CCDC172: variants seen among roughly 807,000 people sequenced by gnomAD.
The protein encoded by CCDC172 is coiled-coil domain containing 172.
CCDC172 carries 30 observed loss-of-function variants against 38.0 expected under a neutral mutation model. The observed-to-expected ratio is 0.79, with a 90% CI of 0.59 to 1.07. The LOEUF is 1.07. Ranked by LOEUF, CCDC172 falls within the 50% of genes least tolerant of loss-of-function variation. CCDC172 has a pLI of 0.00. For synonymous variants in CCDC172, 78 were observed against 88.3 expected (o/e 0.88, Z 0.66); for missense variants, 297 against 290.1 (o/e 1.02, Z -0.17).
chr10:116,365,910 A>G (rs776951404), intron 7 of CCDC172, among the ~76,000 whole-genome samples: 23 of 152,166 alleles, frequency 1.5e-4, no homozygotes, highest in Non-Finnish European at 3.2e-4. Flanking sequence ...ATCATCTGCT[A>G]TACCCTATAG....
chr10:116,339,799 C>T (rs758924560), intron 3 of CCDC172, among the ~76,000 whole-genome samples: 17 of 151,928 alleles, frequency 1.1e-4, no homozygotes, highest in Admixed American at 5.9e-4. Context: ...CTGGACTAGA[C>T]TATTTCTAAG....
At chr10:116,357,703 A>G (rs1845016162) in intron 6 of CCDC172, 133 bp from the exon 7 acceptor site, 2 of 680,672 alleles carry the variant, frequency 2.9e-6, no homozygotes. Flanking sequence ...ATATTAAAGT[A>G]GAAAATAAAA....
chr10:116,332,535 A>C (rs57990663), intron 3 of CCDC172, among the ~76,000 whole-genome samples: 14,203 of 152,128 alleles, frequency 0.093, 912 homozygotes, highest in East Asian at 0.22. Flanking sequence ...GTCTGTACAG[A>C]ATTATTGAGT....
intron 5 of CCDC172, among the ~76,000 whole-genome samples, chr10:116,351,247 C>T (rs1645175448): frequency 6.6e-6 from 1 of 151,826 alleles, no homozygotes; most frequent in African/African-American, 2.4e-5. Flanking sequence ...GTTATGGTAT[C>T]CTGGATTCCC....
chr10:116,367,182 A>G (rs958026313), intron 7 of CCDC172, among the ~76,000 whole-genome samples: 14 of 152,224 alleles, frequency 9.2e-5, no homozygotes, highest in South Asian at 8.3e-4. Context: ...ATCATTTTTT[A>G]TAGTTAGCAT....
At chr10:116,329,950 T>TA (rs1364392732) in intron 3 of CCDC172, among the ~76,000 whole-genome samples, 4 of 152,222 alleles carry the variant, frequency 2.6e-5, no homozygotes, top group Non-Finnish European at 5.9e-5. Context: ...GTGGTACATC[T>TA]AAAGTACTTT....
intron 3 of CCDC172, among the ~76,000 whole-genome samples, chr10:116,338,176 T>C (rs1454115246): frequency 1.3e-5 from 2 of 152,170 alleles, no homozygotes; most frequent in African/African-American, 4.8e-5. Flanking sequence ...CAGTATATTA[T>C]AGGCCTCTAT....
At chr10:116,376,094 G>C (rs1193194311) in intron 7 of CCDC172, among the ~76,000 whole-genome samples, 1 of 152,160 alleles carries the variant, frequency 6.6e-6, no homozygotes, top group Non-Finnish European at 1.5e-5. Context: ...TTGTAGCACT[G>C]TTCACAATAG....
chr10:116,337,908 G>A (rs1294786114), intron 3 of CCDC172, among the ~76,000 whole-genome samples: 1 of 151,824 alleles, frequency 6.6e-6, no homozygotes, highest in Non-Finnish European at 1.5e-5. Context: ...TCAAATGCAG[G>A]AACATAAAAA....
chr10:116,359,048 C>A (rs1324454955), intron 7 of CCDC172, among the ~76,000 whole-genome samples: 2 of 152,166 alleles, frequency 1.3e-5, no homozygotes, highest in Non-Finnish European at 2.9e-5. Flanking sequence ...TTAGTCCATT[C>A]ATTGCATTTT....
At chr10:116,325,126 G>A (rs1163006005) in intron 2 of CCDC172, 36 bp downstream of exon 2, 1 of 1,599,730 alleles carries the variant, frequency 6.3e-7, no homozygotes, top group Non-Finnish European at 8.6e-7. Flanking sequence ...GGGGCCTTTT[G>A]TCTTCTGATG....
At chr10:116,332,623 A>G (rs1385051542) in intron 3 of CCDC172, among the ~76,000 whole-genome samples, 1 of 152,120 alleles carries the variant, frequency 6.6e-6, no homozygotes, top group Non-Finnish European at 1.5e-5. Flanking sequence ...AGAAGTATTG[A>G]AGTCAACCTG....
At chr10:116,326,813 T>G (rs1844599051) in intron 3 of CCDC172, among the ~76,000 whole-genome samples, 1 of 152,186 alleles carries the variant, frequency 6.6e-6, no homozygotes. Context: ...ACTAATAGTT[T>G]GATAGATAAT....
intron 5 of CCDC172, among the ~76,000 whole-genome samples, chr10:116,347,705 C>T (rs933694797): frequency 6.6e-6 from 1 of 152,054 alleles, no homozygotes; most frequent in African/African-American, 2.4e-5. Context: ...TATTATATAA[C>T]AGTGTTCTAA....
chr10:116,350,746 C>T lies in CCDC172; in HGVS notation c.449-6634C>T, dbSNP rs1161643708. ...ATGTACATATGAGGAAGACAATTCA[C>T]ATGTTAAAAGATGTAAATTAATTTT... On this transcript the variant is annotated intron_variant, in intron 5 of 8. Transcript: ENST00000333254. Among the ~76,000 whole-genome samples, 6 of 152,110 alleles carry T rather than the reference C, an allele frequency of 3.9e-5. No individual in the cohort carries two copies. The East Asian group carries it at 1.2e-3, about 29-fold the overall frequency.
At chr10:116,378,272 C>T (rs186444600) in intron 7 of CCDC172, 151 bp from the exon 8 acceptor site, 1 of 777,950 alleles carries the variant, frequency 1.3e-6, no homozygotes, top group East Asian at 3.4e-5. Flanking sequence ...TTTATATAGT[C>T]TTTATGGAAT....
chr10:116,347,221 G>A (rs1257999415), intron 5 of CCDC172, among the ~76,000 whole-genome samples: 1 of 152,174 alleles, frequency 6.6e-6, no homozygotes, highest in Non-Finnish European at 1.5e-5. Flanking sequence ...CTTGAGTGAA[G>A]AGTCTAAGAC....
chr10:116,332,723 AT>A (rs1844679819), intron 3 of CCDC172, among the ~76,000 whole-genome samples: 1 of 151,804 alleles, frequency 6.6e-6, no homozygotes, highest in Non-Finnish European at 1.5e-5. Context: ...ATAATTCCAA[AT>A]TTGGTACAGA....
intron 5 of CCDC172, among the ~76,000 whole-genome samples, chr10:116,355,140 C>T (rs1844979345): frequency 6.6e-6 from 1 of 152,106 alleles, no homozygotes; most frequent in Non-Finnish European, 1.5e-5. Context: ...ATGTCGTGGG[C>T]CTATGCATTC....
Sources: gnomAD v4.1 joint callset for allele counts (sites outside exome capture counted in the v4.1 genomes callset) on GRCh38, gnomAD v4.1.1 for gene constraint, MANE v1.5 for transcripts, NCBI Gene and HGNC (gene_info 2026-07-23, HGNC 2026-07-21) for gene names.